Variants in STK39 observed in about 807,000 individuals in gnomAD.
STK39 encodes serine/threonine kinase 39.
Under a neutral mutation model 77.8 loss-of-function variants are expected in STK39, and 20 were observed. The ratio of observed to expected loss-of-function variants is 0.26; its 90% CI spans 0.18 to 0.37. The LOEUF (loss-of-function observed/expected upper bound fraction) is 0.37. Among genes scored for constraint, STK39 ranks in the 10% least tolerant of loss-of-function variants. The pLI, the probability that STK39 is intolerant of heterozygous loss-of-function variation, is 1.00. For missense variants in STK39, 479 were observed against 656.5 expected, an observed-to-expected ratio of 0.73 and a Z score of 2.95; for synonymous variants, 246 against 234.1, an observed-to-expected ratio of 1.05 and a Z score of -0.47.
At chr2:168,232,334 T>C (rs1690479071) in intron 1 of STK39, 1 of 153,698 alleles carries the variant, frequency 6.5e-6, no homozygotes, top group Non-Finnish European at 1.4e-5. Context: ...TATGATTAAT[T>C]GAAGGTCAGT....
chr2:167,971,298 G>T (rs1423571890), intron 16 of STK39, among the ~76,000 whole-genome samples: 2 of 152,108 alleles, frequency 1.3e-5, no homozygotes, highest in African/African-American at 4.8e-5. Context: ...ATTTAATCTG[G>T]TAACTAACTG....
At position 168,127,143 on chromosome 2, in the gene STK39, G is replaced by T. The variant is rs562904438; in HGVS notation, c.1089+2398C>A. 3.3e-5 allele frequency among the ~76,000 whole-genome samples: 5 copies of T among 152,260 alleles called. No homozygotes were observed. The East Asian group carries it at 9.7e-4, about 29-fold the overall frequency. The stretch of plus-strand genomic sequence containing the variant: ...CACACTAATATGTAATAAGTTTTTT[G>T]TTGTTGTTTGTTGTTGTTGTTGTTT... On this transcript the variant is annotated intron_variant, in intron 10 of 17. Coordinates refer to ENST00000355999, the MANE Select transcript of STK39 (RefSeq NM_013233.3).
chr2:168,212,602 C>T (rs1296179080), intron 1 of STK39, among the ~76,000 whole-genome samples: 1 of 152,210 alleles, frequency 6.6e-6, no homozygotes, highest in African/African-American at 2.4e-5. Context: ...AAGAAGAACT[C>T]ATTCCATGCT....
chr2:168,102,131 CT>C (rs35955276), intron 10 of STK39, among the ~76,000 whole-genome samples: 20,046 of 147,730 alleles, frequency 0.14, 1,581 homozygotes, highest in East Asian at 0.22. Flanking sequence ...TTCATGTACA[CT>C]TTTTTTTTTT....
intron 14 of STK39, among the ~76,000 whole-genome samples, chr2:168,018,529 AAAAGAAAGAAAAGAAAGAAAG>A (rs1210410013): frequency 5.2e-4 from 42 of 80,776 alleles, no homozygotes; most frequent in African/African-American, 2.7e-3. Context: ...GAAAAGAAAG[AAAAGAAAGAAAAGAAAGAAAG>A]AAAGAAAGAA....
chr2:168,152,865 A>G (rs1688326656), intron 5 of STK39, among the ~76,000 whole-genome samples: 1 of 152,220 alleles, frequency 6.6e-6, no homozygotes. Context: ...CCAATGCAAT[A>G]TTCATATACC....
chr2:168,214,884 G>C (rs2105705446), intron 1 of STK39, among the ~76,000 whole-genome samples: 1 of 152,226 alleles, frequency 6.6e-6, no homozygotes, highest in East Asian at 1.9e-4. Flanking sequence ...AGAGTGTATT[G>C]GTTTGCTGCC....
intron 5 of STK39, among the ~76,000 whole-genome samples, chr2:168,161,305 C>A (rs964893546): frequency 5.9e-5 from 9 of 152,338 alleles, no homozygotes; most frequent in Middle Eastern, 3.4e-3. Flanking sequence ...ATTGCATCCC[C>A]AGCCTACCAG....
intron 10 of STK39, among the ~76,000 whole-genome samples, chr2:168,107,980 C>A (rs1023876193): frequency 6.6e-6 from 1 of 152,186 alleles, no homozygotes; most frequent in African/African-American, 2.4e-5. Context: ...TCCAAGCCAA[C>A]CAAATTTTAA....
chr2:168,072,361 A>G (rs1685963090), intron 12 of STK39, among the ~76,000 whole-genome samples: 3 of 152,288 alleles, frequency 2.0e-5, no homozygotes, highest in African/African-American at 2.4e-5. Context: ...TCATTCTCCT[A>G]TGTTTTTCAA....
In STK39 at chr2:168,090,104, G is replaced by C. The variant is rs78418563; in HGVS notation, c.1090-14873C>G. On this transcript the variant is annotated intron_variant, in intron 10 of 17. Coordinates refer to ENST00000355999, the MANE Select transcript of STK39 (RefSeq NM_013233.3). ...TTCTACATTCTGTCTACAGAATAAT[G>C]GATACTGTTGTTTTTGTTAAGGTGG... Among the ~76,000 whole-genome samples the C allele has an allele frequency of 2.9e-3, 445 of 152,266 alleles. 2 individuals are homozygous for C. Among genetic ancestry groups the C allele is most frequent in the African/African-American group, 0.01 (422 of 41,566 alleles).
At chr2:167,975,359 A>G (rs1329429044) in intron 16 of STK39, among the ~76,000 whole-genome samples, 2 of 152,070 alleles carry the variant, frequency 1.3e-5, no homozygotes, top group African/African-American at 4.8e-5. Flanking sequence ...GGAAATCTAC[A>G]ATAGAATGTA....
intron 1 of STK39, among the ~76,000 whole-genome samples, chr2:168,233,967 T>A (rs905965485): frequency 1.4e-4 from 21 of 152,210 alleles, no homozygotes; most frequent in African/African-American, 5.1e-4. Context: ...CAAAACTATT[T>A]TCCTAAGTCG....
At chr2:168,130,608 G>C (rs1342223861) in intron 8 of STK39, among the ~76,000 whole-genome samples, 1 of 152,180 alleles carries the variant, frequency 6.6e-6, no homozygotes, top group Non-Finnish European at 1.5e-5. Flanking sequence ...CAAGTGTTCT[G>C]TTGGGTAATA....
At chr2:168,116,498 A>G (rs1184720498) in intron 10 of STK39, among the ~76,000 whole-genome samples, 3 of 152,218 alleles carry the variant, frequency 2.0e-5, no homozygotes, top group African/African-American at 7.2e-5. Flanking sequence ...GTAAAAAAAT[A>G]TATTTTTAAA....
At chr2:167,960,002 A>C (rs1371191331) in intron 17 of STK39, among the ~76,000 whole-genome samples, 1 of 152,186 alleles carries the variant, frequency 6.6e-6, no homozygotes, top group Non-Finnish European at 1.5e-5. Flanking sequence ...AAAGTGAAGG[A>C]GAAGTTCAGA....
At chr2:168,001,512 C>CT (rs150832001) in intron 16 of STK39, among the ~76,000 whole-genome samples, 3,794 of 110,900 alleles carry the variant, frequency 0.034, 147 homozygotes, top group African/African-American at 0.1. Context: ...AGAAAGTCCT[C>CT]TTTTTTTAAA....
At chr2:167,969,081 T>C (rs1268516613) in intron 16 of STK39, among the ~76,000 whole-genome samples, 2 of 152,224 alleles carry the variant, frequency 1.3e-5, no homozygotes, top group Non-Finnish European at 2.9e-5. Context: ...AGGCCATGCA[T>C]TGGTCATTGG....
chr2:168,152,808 G>A (rs917393019), intron 5 of STK39, among the ~76,000 whole-genome samples: 6 of 152,188 alleles, frequency 3.9e-5, no homozygotes, highest in Non-Finnish European at 7.4e-5. Flanking sequence ...CATATCCGCA[G>A]AGACAGGCAT....
Sources: gnomAD v4.1 joint callset for allele counts (sites outside exome capture counted in the v4.1 genomes callset) on GRCh38, gnomAD v4.1.1 for gene constraint, MANE v1.5 for transcripts, NCBI Gene and HGNC (gene_info 2026-07-23, HGNC 2026-07-21) for gene names.